The following TCERG1L variants were observed in gnomAD, a reference collection of about 807,000 sequenced individuals.
The protein encoded by TCERG1L is transcription elongation regulator 1-like protein.
In TCERG1L, 37 loss-of-function variants were observed where a neutral mutation model predicts 56.3. That is an observed-to-expected ratio of 0.66 (90% CI 0.51 to 0.87). TCERG1L has a LOEUF of 0.87. Ranked by LOEUF, TCERG1L falls within the 40% of genes least tolerant of loss-of-function variation. TCERG1L has a pLI of 0.00. For synonymous variants in TCERG1L, 324 were observed against 326.3 expected (o/e 0.99, Z 0.08); for missense variants, 799 against 774.2 (o/e 1.03, Z -0.38).
intron 4 of TCERG1L, among the ~76,000 whole-genome samples, chr10:131,247,437 T>C (rs1480043201): frequency 6.6e-6 from 1 of 152,230 alleles, no homozygotes. Context: ...ATTCCTATTC[T>C]GTCCCCAGGA....
At chr10:131,167,003 A>T (rs1846038656) in intron 4 of TCERG1L, 118 bp from the exon 5 acceptor site, 1 of 818,782 alleles carries the variant, frequency 1.2e-6, no homozygotes, top group South Asian at 1.8e-5. Flanking sequence ...GACACTGTGC[A>T]TTCCACAGAA....
chr10:131,304,645 A>G (rs1846802125), intron 3 of TCERG1L, among the ~76,000 whole-genome samples: 1 of 152,118 alleles, frequency 6.6e-6, no homozygotes, highest in South Asian at 2.1e-4. Context: ...CCCATTCACA[A>G]TGATCAGGAA....
At chr10:131,147,803 C>G (rs930715152) in intron 6 of TCERG1L, among the ~76,000 whole-genome samples, 8 of 152,250 alleles carry the variant, frequency 5.3e-5, no homozygotes, top group African/African-American at 1.4e-4. Context: ...ACGGCCTAGG[C>G]CCCCGGTAGC....
intron 4 of TCERG1L, among the ~76,000 whole-genome samples, chr10:131,250,137 G>A (rs543173258): frequency 5.1e-4 from 78 of 152,298 alleles, no homozygotes; most frequent in Non-Finnish European, 8.7e-4. Context: ...CACGCCTGAC[G>A]GGGGCTGGCA....
At chr10:131,182,449 T>A (rs143124585) in intron 4 of TCERG1L, among the ~76,000 whole-genome samples, 2 of 152,228 alleles carry the variant, frequency 1.3e-5, no homozygotes, top group African/African-American at 4.8e-5. Flanking sequence ...TCCTCTTTGA[T>A]AGAAATCAGG....
At chr10:131,219,112 T>A (rs1246053924) in intron 4 of TCERG1L, among the ~76,000 whole-genome samples, 1 of 152,154 alleles carries the variant, frequency 6.6e-6, no homozygotes, top group Admixed American at 6.5e-5. Flanking sequence ...GTCCTGGCTC[T>A]GCCTGCAGGC....
intron 4 of TCERG1L, among the ~76,000 whole-genome samples, chr10:131,181,540 T>C (rs1845175579): frequency 6.6e-6 from 1 of 152,260 alleles, no homozygotes; most frequent in Admixed American, 6.5e-5. Flanking sequence ...TTCAGTGCCA[T>C]GCACAGGTGT....
At chr10:131,232,156 G>A (rs935067069) in intron 4 of TCERG1L, among the ~76,000 whole-genome samples, 1 of 152,262 alleles carries the variant, frequency 6.6e-6, no homozygotes, top group African/African-American at 2.4e-5. Context: ...TCCAGTCACT[G>A]ATGCCATTAG....
chr10:131,202,608 T>G (rs1002545857), intron 4 of TCERG1L, among the ~76,000 whole-genome samples: 1 of 152,038 alleles, frequency 6.6e-6, no homozygotes, highest in Non-Finnish European at 1.5e-5. Context: ...AAAAAACAGA[T>G]TTTTTCAAGT....
At chr10:131,285,605 C>T (rs1846530640) in intron 3 of TCERG1L, among the ~76,000 whole-genome samples, 1 of 151,760 alleles carries the variant, frequency 6.6e-6, no homozygotes, top group Non-Finnish European at 1.5e-5. Flanking sequence ...GGCAGGGCAG[C>T]TTCACACAAG....
intron 10 of TCERG1L, among the ~76,000 whole-genome samples, chr10:131,102,037 A>G (rs575925221): frequency 6.6e-6 from 1 of 152,344 alleles, no homozygotes; most frequent in South Asian, 2.1e-4. Flanking sequence ...AATTGCAACA[A>G]AAGGGTGAAA....
intron 3 of TCERG1L, among the ~76,000 whole-genome samples, chr10:131,263,701 T>G (rs1170222159): frequency 6.6e-6 from 1 of 152,254 alleles, no homozygotes; most frequent in Non-Finnish European, 1.5e-5. Flanking sequence ...TGCTATGCAG[T>G]AGACTGCAGG....
chr10:131,299,331 T>A (rs1361827607), intron 3 of TCERG1L, among the ~76,000 whole-genome samples: 1 of 152,160 alleles, frequency 6.6e-6, no homozygotes, highest in Non-Finnish European at 1.5e-5. Context: ...TTTATAGTTT[T>A]TAAAATATTT....
intron 11 of TCERG1L, among the ~76,000 whole-genome samples, chr10:131,095,001 G>T (rs1845226855): frequency 6.6e-6 from 1 of 152,226 alleles, no homozygotes; most frequent in South Asian, 2.1e-4. Context: ...CCATGCCAAG[G>T]GGCAGCAACC....
chr10:131,156,088 G>T (rs868674572), intron 6 of TCERG1L: 2 of 152,206 alleles, frequency 1.3e-5, no homozygotes, highest in African/African-American at 4.8e-5. Context: ...CGGTGCACGG[G>T]AGAAAGTGAC....
At chr10:131,094,254 C>A (rs1301717533) in intron 11 of TCERG1L, among the ~76,000 whole-genome samples, 1 of 152,224 alleles carries the variant, frequency 6.6e-6, no homozygotes. Flanking sequence ...ACTCGCTTGT[C>A]CAGCGACAGT....
At chr10:131,246,176 G>A (rs1846034830) in intron 4 of TCERG1L, among the ~76,000 whole-genome samples, 1 of 152,212 alleles carries the variant, frequency 6.6e-6, no homozygotes, top group Non-Finnish European at 1.5e-5. Flanking sequence ...AAGCCTAGCA[G>A]GGAGATGGCA....
chr10:131,174,956 C>CCCATCTAATGGGA (rs1846132017), intron 4 of TCERG1L, among the ~76,000 whole-genome samples: 1 of 151,864 alleles, frequency 6.6e-6, no homozygotes, highest in Non-Finnish European at 1.5e-5. Flanking sequence ...CCTGAACCCA[C>CCCATCTAATGGGA]CCCAATAATG....
chr10:131,254,340 ATTTATT>A (rs1296808528), intron 4 of TCERG1L, among the ~76,000 whole-genome samples: 4 of 140,376 alleles, frequency 2.8e-5, no homozygotes, highest in Non-Finnish European at 6.1e-5. Flanking sequence ...TGATTTATTT[ATTTATT>A]TTTATTTACT....
Sources: gnomAD v4.1 joint callset for allele counts (sites outside exome capture counted in the v4.1 genomes callset) on GRCh38, gnomAD v4.1.1 for gene constraint, MANE v1.5 for transcripts, NCBI Gene and HGNC (gene_info 2026-07-23, HGNC 2026-07-21) for gene names.